The following ABLIM2 variants were observed in gnomAD, a reference collection of about 807,000 sequenced individuals.
The protein encoded by ABLIM2 is actin binding LIM protein family member 2.
ABLIM2 carries 53 observed loss-of-function variants against 97.7 expected under a neutral mutation model. The observed-to-expected ratio is 0.54, with a 90% CI of 0.44 to 0.68. The LOEUF is 0.68. Among genes scored for constraint, ABLIM2 ranks in the 30% least tolerant of loss-of-function variants. The pLI is 0.00. For synonymous variants in ABLIM2, 361 were observed against 345.8 expected, an observed-to-expected ratio of 1.04 and a Z score of -0.49; for missense variants, 835 against 867.2, an observed-to-expected ratio of 0.96 and a Z score of 0.47.
chr4:8,053,312 C>T (rs917002092), intron 8 of ABLIM2, among the ~76,000 whole-genome samples: 4 of 152,226 alleles, frequency 2.6e-5, no homozygotes, highest in Non-Finnish European at 5.9e-5. Flanking sequence ...CCTTTCCAGA[C>T]TGAACCAATG....
Position 8,046,686 on chromosome 4 carries a change from T to C in ABLIM2, c.823-1445A>G, listed in dbSNP as rs984646377. On this transcript the variant is annotated intron_variant, in intron 8 of 20. Transcript: ENST00000447017. The surrounding 1 kb of genome is among the most constrained non-coding windows in gnomAD (Gnocchi z 4.4). ...GCAGCCCAGGAGGCACCACAGTGGA[T>C]GGGCTGATCTGTGTCCACATTCGTA... is the stretch of plus-strand genomic sequence containing the variant. Among the ~76,000 whole-genome samples the C allele has an allele frequency of 1.3e-5, 2 of 152,224 alleles. No individual in the cohort carries two copies. The highest frequency in any genetic ancestry group is 1.3e-4 in the Admixed American group (2 of 15,284).
At chr4:8,081,545 G>A (rs376843587) in intron 4 of ABLIM2, among the ~76,000 whole-genome samples, 2 of 152,232 alleles carry the variant, frequency 1.3e-5, no homozygotes, top group Admixed American at 6.5e-5. Context: ...GGTGGAGCAG[G>A]CTGGGGAGCT....
chr4:8,079,904 T>C (rs368955166), intron 5 of ABLIM2, among the ~76,000 whole-genome samples: 66 of 152,286 alleles, frequency 4.3e-4, no homozygotes, highest in African/African-American at 1.4e-3. Flanking sequence ...GAAGACCCTC[T>C]AGCTCCCAGG....
chr4:8,039,046 C>T (rs979309952), intron 9 of ABLIM2, among the ~76,000 whole-genome samples: 8 of 152,178 alleles, frequency 5.3e-5, no homozygotes, highest in African/African-American at 1.7e-4. Flanking sequence ...ACCCCCGCAA[C>T]AAGTTAGTGT....
At chr4:8,109,357 A>C (rs1839170050) in intron 1 of ABLIM2, among the ~76,000 whole-genome samples, 1 of 152,242 alleles carries the variant, frequency 6.6e-6, no homozygotes, top group African/African-American at 2.4e-5. Flanking sequence ...TTGAGGGCTA[A>C]GCGTATTCAC....
intron 4 of ABLIM2, among the ~76,000 whole-genome samples, chr4:8,086,013 C>G (rs543801697): frequency 6.6e-4 from 101 of 152,312 alleles, no homozygotes; most frequent in Non-Finnish European, 1.2e-3. Context: ...CTCCTCCAGG[C>G]ACAGCTGCTG....
In ABLIM2 at chr4:8,079,231, C is replaced by T. The variant is rs116152706; in HGVS notation, c.581+1445G>A. Among the ~76,000 whole-genome samples, 418 of 152,326 alleles carry T rather than the reference C, an allele frequency of 2.7e-3. 1 individual carries two copies. Among genetic ancestry groups the T allele is most frequent in the African/African-American group, 9.2e-3 (383 of 41,558 alleles). ...CCAAATGCCGCTGACCTCAGGACTC[C>T]CGTAATAACCCACAAACGAGTGTTA... On this transcript the variant is annotated intron_variant, in intron 5 of 20. Transcript: ENST00000447017.
chr4:8,080,795 C>G lies in ABLIM2; in HGVS notation c.462G>C (p.Gly154=), dbSNP rs772515969. The G allele has an allele frequency of 6.2e-7, 1 of 1,606,614 alleles. No individual in the cohort carries two copies. Among genetic ancestry groups the G allele is most frequent in the East Asian group, 2.2e-5 (1 of 44,686 alleles). Residue 154 remains glycine (G), a synonymous_variant, in exon 5 of 21, where the codon GGG becomes GGC. Coordinates refer to ENST00000447017, the MANE Select transcript of ABLIM2 (RefSeq NM_001130083.2). ...CATTCTTGATTTCTGTGCCGCAGCC[C>G]CCACAACCTGGAAGAAAGAGAAGAG... ...AHLSQGLRSC[G]GCGTEIKNGQ...
intron 20 of ABLIM2, among the ~76,000 whole-genome samples, chr4:7,973,027 C>A (rs189759417): frequency 6.9e-6 from 1 of 144,328 alleles, no homozygotes; most frequent in Non-Finnish European, 1.5e-5. Context: ...GCCTGGAAGA[C>A]GACAGTTCAA....
intron 1 of ABLIM2, among the ~76,000 whole-genome samples, chr4:8,129,321 G>C (rs1849018705): frequency 6.6e-6 from 1 of 152,238 alleles, no homozygotes; most frequent in South Asian, 2.1e-4. Context: ...TCAGAGGCCA[G>C]CACCCCATCG....
intron 6 of ABLIM2, among the ~76,000 whole-genome samples, chr4:8,062,335 T>C (rs1803786776): frequency 6.6e-6 from 1 of 152,184 alleles, no homozygotes; most frequent in Non-Finnish European, 1.5e-5. Context: ...CAGGGATCTC[T>C]CTGGATAGCA....
chr4:8,009,471 A>G (rs978778916), intron 14 of ABLIM2, among the ~76,000 whole-genome samples: 1 of 150,856 alleles, frequency 6.6e-6, no homozygotes, highest in East Asian at 2.0e-4. Flanking sequence ...ATCTCGGCTC[A>G]CTGCAACTTC....
intron 7 of ABLIM2, among the ~76,000 whole-genome samples, chr4:8,055,677 T>TG (rs1305076275): frequency 1.1e-4 from 16 of 152,362 alleles, no homozygotes; most frequent in African/African-American, 3.4e-4. Flanking sequence ...CAAAGCCCTC[T>TG]GGGTCATGTG....
intron 8 of ABLIM2, among the ~76,000 whole-genome samples, chr4:8,052,421 T>A (rs1393902074): frequency 6.6e-6 from 1 of 152,266 alleles, no homozygotes; most frequent in Non-Finnish European, 1.5e-5. Context: ...AATCATGGAC[T>A]GCAGCAGCTA....
chr4:8,043,923 C>T lies in ABLIM2; in HGVS notation c.900+1241G>A, dbSNP rs151156378. Among the ~76,000 whole-genome samples, 12 of 152,196 alleles carry T rather than the reference C, an allele frequency of 7.9e-5. No homozygotes were observed. Among genetic ancestry groups the T allele is most frequent in the Admixed American group, 2.0e-4 (3 of 15,308 alleles). ...CAGGCGGGCGGCACCTCGCCCAGGGCATGCAGCCAACCTGGTGCCTTCATG... is the reference window on the plus strand; with the variant it reads ...CAGGCGGGCGGCACCTCGCCCAGGGTATGCAGCCAACCTGGTGCCTTCATG... On this transcript the variant is annotated intron_variant, in intron 9 of 20. Coordinates refer to ENST00000447017, the MANE Select transcript of ABLIM2 (RefSeq NM_001130083.2). The surrounding 1 kb of genome is among the most constrained non-coding windows in gnomAD (Gnocchi z 4.8).
intron 1 of ABLIM2, among the ~76,000 whole-genome samples, chr4:8,109,468 G>A (rs146144486): frequency 2.6e-5 from 4 of 152,310 alleles, no homozygotes; most frequent in Admixed American, 1.3e-4. Context: ...GGTAAAAATC[G>A]AGTGACTGCA....
chr4:7,992,371 T>C lies in ABLIM2; in HGVS notation c.1680+495A>G, dbSNP rs1252671850. On this transcript the variant is annotated intron_variant, in intron 17 of 20. Coordinates refer to ENST00000447017, the MANE Select transcript of ABLIM2 (RefSeq NM_001130083.2). This position sits in a 1 kb window ranked among gnomAD's most constrained non-coding sequence, Gnocchi z 5.7. ...TGACTTCAAGTTAATCCAATCTCCG[T>C]GCAGCCTCAAGTAACAGCCTTGGAC... is the stretch of plus-strand genomic sequence containing the variant. Among the ~76,000 whole-genome samples the C allele has an allele frequency of 2.0e-5, 3 of 152,136 alleles. No homozygotes were observed. The highest frequency in any genetic ancestry group is 2.0e-4 in the Admixed American group (3 of 15,276).
At chr4:8,008,587 C>T (rs900606204) in intron 15 of ABLIM2, among the ~76,000 whole-genome samples, 2 of 152,220 alleles carry the variant, frequency 1.3e-5, no homozygotes, top group African/African-American at 4.8e-5. Flanking sequence ...CCTGCAGCCT[C>T]CTTTTGTCAT....
At chr4:8,096,669 G>T (rs1831759677) in intron 3 of ABLIM2, among the ~76,000 whole-genome samples, 1 of 152,196 alleles carries the variant, frequency 6.6e-6, no homozygotes, top group Non-Finnish European at 1.5e-5. Flanking sequence ...TCTCTTCTTT[G>T]TTTTCTAGAA....
Sources: allele counts gnomAD v4.1 joint callset (sites outside exome capture counted in the v4.1 genomes callset), GRCh38; gene constraint gnomAD v4.1.1; non-coding constraint Gnocchi (gnomAD v3.1); transcripts MANE v1.5; gene names NCBI Gene and HGNC (gene_info 2026-07-23, HGNC 2026-07-21).